The following TMEM232 variants were observed in gnomAD, a reference collection of about 807,000 sequenced individuals.
The protein encoded by TMEM232 is transmembrane protein 232.
TMEM232 carries 80 observed loss-of-function variants against 78.8 expected under a neutral mutation model. The observed-to-expected ratio is 1.01, with a 90% CI of 0.85 to 1.22. The LOEUF (loss-of-function observed/expected upper bound fraction) is 1.22. Among genes scored for constraint, TMEM232 ranks in the 50% most tolerant of loss-of-function variants. The pLI, the probability that TMEM232 is intolerant of heterozygous loss-of-function variation, is 0.00. For synonymous variants in TMEM232, 297 were observed against 254.3 expected (o/e 1.17, Z -1.60); for missense variants, 881 against 742.2 (o/e 1.19, Z -2.17).
chr5:110,513,560 C>T (rs1225011671), intron 12 of TMEM232, among the ~76,000 whole-genome samples: 1 of 152,010 alleles, frequency 6.6e-6, no homozygotes, highest in Non-Finnish European at 1.5e-5. Flanking sequence ...GGAAATCACA[C>T]AAATGGCCAA....
At chr5:110,697,274 T>C (rs1318374800) in intron 1 of TMEM232, among the ~76,000 whole-genome samples, 1 of 152,174 alleles carries the variant, frequency 6.6e-6, no homozygotes, top group Non-Finnish European at 1.5e-5. Context: ...GATCCCTTCC[T>C]TACACCTTAT....
chr5:110,631,877 C>T (rs372919259), intron 5 of TMEM232, among the ~76,000 whole-genome samples: 2 of 152,102 alleles, frequency 1.3e-5, no homozygotes, highest in Admixed American at 6.6e-5. Context: ...AGAACTCCCT[C>T]ACCTGCCTGG....
At chr5:110,718,527 T>C (rs1797254545) in intron 1 of TMEM232, among the ~76,000 whole-genome samples, 1 of 152,124 alleles carries the variant, frequency 6.6e-6, no homozygotes, top group South Asian at 2.1e-4. Flanking sequence ...AGATTTTCTC[T>C]TTGCAGTTAG....
chr5:110,559,882 GA>G (rs1775545310), intron 11 of TMEM232, among the ~76,000 whole-genome samples: 1 of 152,114 alleles, frequency 6.6e-6, no homozygotes, highest in Admixed American at 6.6e-5. Context: ...GGCAATACTT[GA>G]AATTTCTTGG....
intron 13 of TMEM232, among the ~76,000 whole-genome samples, chr5:110,422,097 TAAAC>T (rs765797723): frequency 6.6e-5 from 10 of 152,202 alleles, no homozygotes; most frequent in East Asian, 1.9e-4. Flanking sequence ...TCTCATATAA[TAAAC>T]TAATAATCTA....
chr5:110,467,852 T>A (rs1300320076), intron 12 of TMEM232, among the ~76,000 whole-genome samples: 1 of 152,110 alleles, frequency 6.6e-6, no homozygotes, highest in African/African-American at 2.4e-5. Flanking sequence ...CCAAGGTTCT[T>A]CTATCCAAGA....
At chr5:110,470,306 AC>A in intron 12 of TMEM232, among the ~76,000 whole-genome samples, 2 of 152,236 alleles carry the variant, frequency 1.3e-5, no homozygotes, top group Admixed American at 1.3e-4. Context: ...AAGATGCCTC[AC>A]AGTCACAGAC....
At chr5:110,691,704 C>T (rs1446864509) in intron 1 of TMEM232, among the ~76,000 whole-genome samples, 1 of 152,182 alleles carries the variant, frequency 6.6e-6, no homozygotes, top group Non-Finnish European at 1.5e-5. Flanking sequence ...CATCACTTTC[C>T]AGATCATAAG....
At chr5:110,656,780 G>A (rs182938775) in intron 2 of TMEM232, among the ~76,000 whole-genome samples, 1,763 of 151,690 alleles carry the variant, frequency 0.012, 45 homozygotes, top group African/African-American at 0.04. Context: ...GGAGCTTGCA[G>A]TGAGCCGACA....
At position 110,434,395 on chromosome 5, in the gene TMEM232, A is replaced by G. The variant is rs142829072; in HGVS notation, c.1704-9479T>C. ...TGAATAAATTCCTAGAAAAAACACA[A>G]TCTCTCAAGATTAAGCCAGGAATAA... is the stretch of plus-strand genomic sequence containing the variant. On this transcript the variant is annotated intron_variant, in intron 12 of 13. Transcript: ENST00000455884. 5.3e-3 allele frequency among the ~76,000 whole-genome samples: 809 copies of G among 151,768 alleles called. 10 individuals are homozygous for G. The highest frequency in any genetic ancestry group is 0.016 in the African/African-American group (656 of 41,470).
At chr5:110,457,253 G>A (rs974988526) in intron 12 of TMEM232, among the ~76,000 whole-genome samples, 1 of 152,030 alleles carries the variant, frequency 6.6e-6, no homozygotes, top group Non-Finnish European at 1.5e-5. Flanking sequence ...TGGATGCTGA[G>A]TACAAGAGAA....
upstream of TMEM232, among the ~76,000 whole-genome samples, chr5:110,730,170 G>A (rs1041620321): frequency 6.7e-6 from 1 of 150,162 alleles, no homozygotes; most frequent in Admixed American, 6.6e-5. Flanking sequence ...CCAGTTGCTT[G>A]GAATCAAGGC....
intron 7 of TMEM232, among the ~76,000 whole-genome samples, chr5:110,621,024 C>T (rs7727226): frequency 9.3e-5 from 14 of 150,834 alleles, no homozygotes; most frequent in Middle Eastern, 3.4e-3. Flanking sequence ...CACCACACCT[C>T]GGTAATTTTT....
intron 2 of TMEM232, among the ~76,000 whole-genome samples, chr5:110,404,037 T>C (rs924773601): frequency 2.0e-5 from 3 of 151,982 alleles, no homozygotes; most frequent in African/African-American, 7.2e-5. Flanking sequence ...ACCACAGTCT[T>C]ACCTTTCTCT....
chr5:110,531,460 CT>C (rs1224116593), intron 11 of TMEM232, among the ~76,000 whole-genome samples: 4 of 152,198 alleles, frequency 2.6e-5, no homozygotes, highest in African/African-American at 9.7e-5. Flanking sequence ...AAACATCTCA[CT>C]AATTTCAAAT....
intron 5 of TMEM232, among the ~76,000 whole-genome samples, chr5:110,635,299 A>G (rs1460719349): frequency 6.6e-6 from 1 of 152,044 alleles, no homozygotes; most frequent in East Asian, 1.9e-4. Context: ...TATTCCCAAA[A>G]GTAAAAGGCG....
chr5:110,691,385 C>T (rs1794103499), intron 1 of TMEM232, among the ~76,000 whole-genome samples: 1 of 152,152 alleles, frequency 6.6e-6, no homozygotes, highest in Non-Finnish European at 1.5e-5. Flanking sequence ...ATGCAAACTG[C>T]TAATGTGATG....
intron 12 of TMEM232, among the ~76,000 whole-genome samples, chr5:110,483,209 T>C (rs1272524316): frequency 6.6e-6 from 1 of 152,144 alleles, no homozygotes; most frequent in East Asian, 1.9e-4. Context: ...AAAGAATGTG[T>C]GCACTGTTGA....
chr5:110,614,377 C>T (rs527470700), intron 8 of TMEM232, among the ~76,000 whole-genome samples: 3 of 151,964 alleles, frequency 2.0e-5, no homozygotes, highest in Non-Finnish European at 2.9e-5. Context: ...TAAACTTGGC[C>T]TCAGTTTCTT....
Sources: allele counts gnomAD v4.1 joint callset (sites outside exome capture counted in the v4.1 genomes callset), GRCh38; gene constraint gnomAD v4.1.1; transcripts MANE v1.5; gene names NCBI Gene and HGNC (gene_info 2026-07-23, HGNC 2026-07-21).